CBX3: variants seen among roughly 807,000 people sequenced by gnomAD.
CBX3 encodes the protein chromobox protein homolog 3.
Under a neutral mutation model 22.6 loss-of-function variants are expected in CBX3, and 5 were observed. That is an observed-to-expected ratio of 0.22 (90% CI 0.12 to 0.47). CBX3 has a LOEUF of 0.47. Among genes scored for constraint, CBX3 ranks in the 20% least tolerant of loss-of-function variants. The pLI is 0.99. For missense variants in CBX3, 83 were observed against 208.1 expected, an observed-to-expected ratio of 0.40 and a Z score of 3.70; for synonymous variants, 50 against 66.6, an observed-to-expected ratio of 0.75 and a Z score of 1.21.
chr7:26,212,028 G>T (rs1486849579), intron 5 of CBX3, 54 bp from the exon 6 acceptor site: 1 of 1,432,860 alleles, frequency 7.0e-7, no homozygotes, highest in South Asian at 1.7e-5. Flanking sequence ...AATGGCTGTC[G>T]GTTGACATGA....
At chr7:26,204,938 C>G (rs1395865020) in intron 2 of CBX3, among the ~76,000 whole-genome samples, 1 of 152,008 alleles carries the variant, frequency 6.6e-6, no homozygotes, top group African/African-American at 2.4e-5. Context: ...TACAGGCATG[C>G]ACCACTATGC....
upstream of CBX3, chr7:26,201,457 GGCTGCCAAGCAGAAAA>G (rs1403083878): frequency 6.6e-6 from 1 of 152,118 alleles, no homozygotes; most frequent in Admixed American, 6.5e-5. Flanking sequence ...CAGCCGCTGA[GGCTGCCAAGCAGAAAA>G]GCCACCGCTG....
intron 2 of CBX3, among the ~76,000 whole-genome samples, chr7:26,205,701 C>T (rs1323643360): frequency 5.9e-5 from 9 of 152,214 alleles, no homozygotes; most frequent in Non-Finnish European, 1.2e-4. Flanking sequence ...GTCACTACTA[C>T]TTGCTTCTCT....
chr7:26,209,607 C>T (rs1784759995), intron 4 of CBX3, among the ~76,000 whole-genome samples: 1 of 152,034 alleles, frequency 6.6e-6, no homozygotes, highest in South Asian at 2.1e-4. Flanking sequence ...AGTCTGTAAT[C>T]TTTGATAATA....
At chr7:26,205,262 G>A (rs1237295608) in intron 2 of CBX3, among the ~76,000 whole-genome samples, 3 of 152,076 alleles carry the variant, frequency 2.0e-5, no homozygotes. Flanking sequence ...GCTGGTTCAC[G>A]TTGGTTTCCT....
chr7:26,211,111 T>G (rs1220393030), intron 4 of CBX3, among the ~76,000 whole-genome samples: 1 of 151,840 alleles, frequency 6.6e-6, no homozygotes, highest in Non-Finnish European at 1.5e-5. Flanking sequence ...GCAAGAAAGT[T>G]TCAATGTTTT....
intron 3 of CBX3, among the ~76,000 whole-genome samples, chr7:26,207,246 C>T (rs995057024): frequency 6.6e-6 from 1 of 152,162 alleles, no homozygotes; most frequent in African/African-American, 2.4e-5. Context: ...CTCCTACTTC[C>T]CCTGCTCTTC....
Position 26,212,580 on chromosome 7 carries a change from TTTTGTGTGTGTGTGTG to T in CBX3, c.*374_*389del, listed in dbSNP as rs56362406. The T allele has an allele frequency of 0.022, 3,004 of 137,164 alleles. 9 individuals carry two copies. Among genetic ancestry groups the T allele is most frequent in the Middle Eastern group, 0.041 (11 of 270 alleles). 8.5% of individuals were successfully genotyped at this position (137,164 alleles called of 1,614,324 possible). A position where few individuals can be genotyped will look rare whatever the true frequency, so the allele number is the denominator to read the frequency against. On this transcript the variant is annotated 3_prime_UTR_variant, in exon 6 of 6. Transcript: ENST00000396386. ...GACCATTCTAGATTTATTACGTGTTTTTTGTGTGTGTGTGTGTGTGTGTGTGTGTGTGTATCCATAA... is the reference window on the plus strand; with the variant it reads ...GACCATTCTAGATTTATTACGTGTTTTGTGTGTGTGTGTGTGTATCCATAA...
Position 26,211,763 on chromosome 7 carries a change from A to G in CBX3, c.425+7A>G, listed in dbSNP as rs372921828. The G allele has an allele frequency of 1.2e-5, 18 of 1,538,884 alleles. No individual in the cohort carries two copies. The highest frequency in any genetic ancestry group is 1.6e-5 in the Non-Finnish European group (18 of 1,127,942). On this transcript the variant is annotated splice_region_variant and intron_variant, in intron 5 of 5. Transcript: ENST00000396386. ...TGATGTTTCTCATGAAATGGTGAGT[A>G]TGCAGAGATTGTTACATTTGAAAGT... is the stretch of plus-strand genomic sequence containing the variant.
rs569648461 is a variant in CBX3, at chr7:26,212,697, A to G, written c.*489A>G. 3 of 152,376 alleles carry G rather than the reference A, an allele frequency of 2.0e-5. No individual in the cohort carries two copies. The highest frequency in any genetic ancestry group is 7.2e-5 in the African/African-American group (3 of 41,588). 9.4% of individuals were successfully genotyped at this position (152,376 alleles called of 1,614,324 possible). A position where few individuals can be genotyped will look rare whatever the true frequency, so the allele number is the denominator to read the frequency against. ...AATCACAGGTAAACCCATGTTTCTG[A>G]GATGCCATTATTCCAAGCAAAATAA... On this transcript the variant is annotated 3_prime_UTR_variant, in exon 6 of 6. Transcript: ENST00000396386.
chr7:26,211,115 A>G (rs367780574), intron 4 of CBX3, among the ~76,000 whole-genome samples: 24 of 151,956 alleles, frequency 1.6e-4, no homozygotes, highest in South Asian at 4.2e-4. Context: ...GAAAGTTTCA[A>G]TGTTTTAAGA....
Position 26,203,025 on chromosome 7 carries a change from A to G in CBX3, c.24+3A>G. 1 of 1,603,782 alleles carries G rather than the reference A, an allele frequency of 6.2e-7. No individual in the cohort carries two copies. The highest frequency in any genetic ancestry group is 8.5e-7 in the Non-Finnish European group (1 of 1,171,350). On this transcript the variant is annotated splice_donor_region_variant and intron_variant, in intron 2 of 5. Coordinates refer to ENST00000396386, the MANE Select transcript of CBX3 (RefSeq NM_016587.4). The stretch of plus-strand genomic sequence containing the variant: ...TGGCCTCCAACAAAACTACATTGGT[A>G]AGTTAATGAAAACCTAAAATATGTA...
At chr7:26,206,555 A>C in intron 3 of CBX3, 45 bp downstream of exon 3, 1 of 1,586,532 alleles carries the variant, frequency 6.3e-7, no homozygotes, top group Non-Finnish European at 8.6e-7. Context: ...AACTGCAGCT[A>C]AGTGGTTTTA....
Position 26,202,957 on chromosome 7 carries a change from A to G in CBX3, c.-28-14A>G, listed in dbSNP as rs183952353. On this transcript the variant is annotated splice_polypyrimidine_tract_variant and intron_variant, in intron 1 of 5. Coordinates refer to ENST00000396386, the MANE Select transcript of CBX3 (RefSeq NM_016587.4). ...GTCATGCAAACTTACCTTAACTGTCATGCATTTTTCTAGTAATAGCTCTTC... is the reference window on the plus strand; with the variant it reads ...GTCATGCAAACTTACCTTAACTGTCGTGCATTTTTCTAGTAATAGCTCTTC... The G allele has an allele frequency of 2.0e-6, 3 of 1,534,986 alleles. No homozygotes were observed. The highest frequency in any genetic ancestry group is 2.3e-5 in the East Asian group (1 of 43,428).
At chr7:26,204,874 A>C (rs56021640) in intron 2 of CBX3, among the ~76,000 whole-genome samples, 4,620 of 152,116 alleles carry the variant, frequency 0.03, 83 homozygotes, top group Middle Eastern at 0.054. Context: ...ACCGCAACTT[A>C]AGCCTCCTGG....
intron 2 of CBX3, among the ~76,000 whole-genome samples, chr7:26,205,739 AGTT>A (rs1584036495): frequency 6.6e-6 from 1 of 152,152 alleles, no homozygotes; most frequent in South Asian, 2.1e-4. Context: ...CTTCCTGCAT[AGTT>A]GTTTGTTGCA....
chr7:26,203,004 C>T lies in CBX3; in HGVS notation c.6C>T (p.Ala2=), dbSNP rs953761509. The T allele has an allele frequency of 3.1e-6, 5 of 1,609,344 alleles. No homozygotes were observed. Among genetic ancestry groups the T allele is most frequent in the South Asian group, 1.1e-5 (1 of 90,890 alleles). Residue 2 remains alanine, a synonymous_variant, in exon 2 of 6, where the codon GCC becomes GCT. Coordinates refer to ENST00000396386, the MANE Select transcript of CBX3 (RefSeq NM_016587.4). M[A]SNKTTLQKMG... is the part of the protein sequence containing the mutation. ...CTTCAAGTCTGCAATAAAAAATGGC[C>T]TCCAACAAAACTACATTGGTAAGTT...
At position 26,208,536 on chromosome 7, in the gene CBX3, CAAA is replaced by C. The variant is rs1784732477; in HGVS notation, c.312_314del (p.Lys107del). On this transcript the variant is annotated inframe_deletion, in exon 4 of 6. Transcript: ENST00000396386. ...GACAGTGAATCTGATGACAGCAAATCAAAGAAGAAAAGAGATGCTGTAAGTATA... is the reference window on the plus strand; with the variant it reads ...GACAGTGAATCTGATGACAGCAAATCGAAGAAAAGAGATGCTGTAAGTATA... The C allele has an allele frequency of 6.2e-7, 1 of 1,611,130 alleles. No individual in the cohort carries two copies. The highest frequency in any genetic ancestry group is 1.3e-5 in the African/African-American group (1 of 74,672).
chr7:26,205,919 C>G (rs1784665380), intron 2 of CBX3: 1 of 155,552 alleles, frequency 6.4e-6, no homozygotes, highest in South Asian at 1.9e-4. Context: ...AACCCTGTTT[C>G]TAATAAAAAC....
Sources: allele counts gnomAD v4.1 joint callset (sites outside exome capture counted in the v4.1 genomes callset), GRCh38; gene constraint gnomAD v4.1.1; transcripts MANE v1.5; gene names NCBI Gene and HGNC (gene_info 2026-07-23, HGNC 2026-07-21).